Variants in SLC35D1 observed in about 807,000 individuals in gnomAD.
The protein encoded by SLC35D1 is nucleotide sugar transporter SLC35D1.
SLC35D1 carries 31 observed loss-of-function variants against 46.7 expected under a neutral mutation model. The ratio of observed to expected loss-of-function variants is 0.66; its 90% CI spans 0.50 to 0.90. The LOEUF (loss-of-function observed/expected upper bound fraction) is 0.90. Ranked by LOEUF, SLC35D1 falls within the 40% of genes least tolerant of loss-of-function variation. The pLI, the probability that SLC35D1 is intolerant of heterozygous loss-of-function variation, is 0.00. For missense variants in SLC35D1, 397 were observed against 426.2 expected, an observed-to-expected ratio of 0.93 and a Z score of 0.60; for synonymous variants, 195 against 164.6, an observed-to-expected ratio of 1.18 and a Z score of -1.41.
the SLC35D1 span, chr1:66,973,032 TTGAACAACTCAAA>T: frequency 9.4e-7 from 1 of 1,061,094 alleles, no homozygotes; most frequent in South Asian, 1.3e-5. Context: ...AGAAATTTAG[TTGAACAACTCAAA>T]TGGTCATGTA....
In SLC35D1 at chr1:67,047,349, A is replaced by G. The variant is rs374480702; in HGVS notation, c.552T>C (p.Asp184=). 2.7e-5 allele frequency: 44 copies of G among 1,613,230 alleles called. No individual in the cohort carries two copies. The African/African-American group carries it at 5.5e-4, about 20-fold the overall frequency. Residue 184 remains aspartate, a synonymous_variant, in exon 7 of 12, where the codon GAT becomes GAC. Coordinates refer to ENST00000235345, the MANE Select transcript of SLC35D1 (RefSeq NM_015139.3). ...FVAASSDLAF[D]LEGYAFILIN... ...TCAGAATAAAAGCATATCCTTCCAGATCAAATGCCAAGTCAGAGCTGCAAA... is the reference window on the plus strand; with the variant it reads ...TCAGAATAAAAGCATATCCTTCCAGGTCAAATGCCAAGTCAGAGCTGCAAA...
At chr1:66,985,807 T>C in the SLC35D1 span, 3 of 851,288 alleles carry the variant, frequency 3.5e-6, no homozygotes, top group African/African-American at 6.4e-5. Flanking sequence ...TCATAAAGGA[T>C]TATAAAATTT....
Position 67,004,180 on chromosome 1 carries a change from T to C in SLC35D1, c.*160A>G. The C allele has an allele frequency of 1.5e-6, 1 of 665,530 alleles. No individual in the cohort carries two copies. Among genetic ancestry groups the C allele is most frequent in the Non-Finnish European group, 2.7e-6 (1 of 369,622 alleles). 41.2% of individuals were successfully genotyped at this position (665,530 alleles called of 1,614,324 possible). A position where few individuals can be genotyped will look rare whatever the true frequency, so the allele number is the denominator to read the frequency against. On this transcript the variant is annotated 3_prime_UTR_variant, in exon 12 of 12. Transcript: ENST00000235345. ...AGTCAATTATAAGTTTCTCTCTTCATAAAATTTTAAAAGGCAGCAATCAAT... is the reference window on the plus strand; with the variant it reads ...AGTCAATTATAAGTTTCTCTCTTCACAAAATTTTAAAAGGCAGCAATCAAT...
chr1:66,997,519 AAT>A (rs35571347), downstream of SLC35D1, among the ~76,000 whole-genome samples: 6 of 74,030 alleles, frequency 8.1e-5, no homozygotes, highest in African/African-American at 1.5e-4. Context: ...AAAAAAAAAA[AAT>A]ATATATATAT....
chr1:67,005,818 T>A (rs1373452657), intron 11 of SLC35D1, among the ~76,000 whole-genome samples: 1 of 152,198 alleles, frequency 6.6e-6, no homozygotes, highest in Non-Finnish European at 1.5e-5. Flanking sequence ...CACTGAATAC[T>A]AGTTATCCAT....
intron 8 of SLC35D1, among the ~76,000 whole-genome samples, chr1:67,028,845 T>A (rs537547288): frequency 6.6e-6 from 1 of 152,286 alleles, no homozygotes; most frequent in South Asian, 2.1e-4. Context: ...GCTGTTTCAT[T>A]CCTTCCACTT....
At chr1:66,985,200 A>G in the SLC35D1 span, 1 of 978,392 alleles carries the variant, frequency 1.0e-6, no homozygotes, top group East Asian at 9.1e-5. Flanking sequence ...GGTAAATCTG[A>G]ATGAACTAAA....
chr1:66,981,846 C>T, the SLC35D1 span: 1 of 1,614,008 alleles, frequency 6.2e-7, no homozygotes, highest in Non-Finnish European at 8.5e-7. Context: ...ATCCCCTCCC[C>T]CAACTGCATC....
At chr1:66,993,006 C>T in the SLC35D1 span, among the ~76,000 whole-genome samples, 3 of 152,190 alleles carry the variant, frequency 2.0e-5, no homozygotes, top group African/African-American at 7.2e-5. Context: ...TTGCTCTTTC[C>T]AATGATCTGG....
chr1:66,986,539 G>C, the SLC35D1 span: 5 of 1,222,430 alleles, frequency 4.1e-6, no homozygotes, highest in Non-Finnish European at 6.1e-6. Flanking sequence ...TTTGCACTGA[G>C]AAATTAGCAT....
chr1:67,021,627 AT>A (rs776570001), intron 8 of SLC35D1, 25 bp from the exon 9 acceptor site: 1 of 1,612,952 alleles, frequency 6.2e-7, no homozygotes, highest in Non-Finnish European at 8.5e-7. Flanking sequence ...AAAGCATTAA[AT>A]TTTAGACCAG....
intron 8 of SLC35D1, among the ~76,000 whole-genome samples, chr1:67,023,086 T>C (rs1316704727): frequency 2.0e-5 from 3 of 152,224 alleles, no homozygotes; most frequent in Non-Finnish European, 4.4e-5. Flanking sequence ...CACCAGGTAA[T>C]TGACACTTAT....
At chr1:66,996,884 CAT>C (rs903159586), downstream of SLC35D1, among the ~76,000 whole-genome samples, 9 of 152,292 alleles carry the variant, frequency 5.9e-5, no homozygotes, top group Admixed American at 3.9e-4. Context: ...GATTAAAACA[CAT>C]GTGTTAAGGA....
At chr1:66,982,727 AC>A in the SLC35D1 span, among the ~76,000 whole-genome samples, 2 of 152,162 alleles carry the variant, frequency 1.3e-5, no homozygotes, top group Non-Finnish European at 2.9e-5. Context: ...TCCTCTTCTG[AC>A]CTTTGGTCTC....
the SLC35D1 span, among the ~76,000 whole-genome samples, chr1:66,989,552 T>A: frequency 9.2e-5 from 14 of 152,190 alleles, no homozygotes; most frequent in Non-Finnish European, 5.9e-5. Flanking sequence ...AGCCTTGACC[T>A]CCTTGGGCGC....
At chr1:67,016,753 A>C (rs141779510) in intron 10 of SLC35D1, among the ~76,000 whole-genome samples, 3 of 152,302 alleles carry the variant, frequency 2.0e-5, no homozygotes, top group African/African-American at 7.2e-5. Context: ...TATTTAGATA[A>C]GTTCAATACA....
chr1:67,020,458 G>A lies in SLC35D1; in HGVS notation c.798-11C>T, dbSNP rs1276905597. The stretch of plus-strand genomic sequence containing the variant: ...TACATTAAGATAAACCTAGAATGAA[G>A]AAAGAGGTATAAAATCCAGTTTCTC... On this transcript the variant is annotated splice_polypyrimidine_tract_variant and intron_variant, in intron 9 of 11. Coordinates refer to ENST00000235345, the MANE Select transcript of SLC35D1 (RefSeq NM_015139.3). The A allele has an allele frequency of 1.3e-6, 2 of 1,579,972 alleles. No individual in the cohort carries two copies. Among genetic ancestry groups the A allele is most frequent in the Non-Finnish European group, 1.7e-6 (2 of 1,149,292 alleles).
chr1:67,014,245 C>T (rs1454486512), intron 10 of SLC35D1, among the ~76,000 whole-genome samples: 1 of 152,204 alleles, frequency 6.6e-6, no homozygotes, highest in Non-Finnish European at 1.5e-5. Context: ...TCCACTAACA[C>T]ATTCAAACTC....
intron 8 of SLC35D1, among the ~76,000 whole-genome samples, chr1:67,032,742 G>A (rs1668043233): frequency 6.6e-6 from 1 of 152,056 alleles, no homozygotes; most frequent in African/African-American, 2.4e-5. Context: ...ATCCCCTCAA[G>A]CATTTATCCT....
Sources: allele counts gnomAD v4.1 joint callset (sites outside exome capture counted in the v4.1 genomes callset), GRCh38; gene constraint gnomAD v4.1.1; transcripts MANE v1.5; gene names NCBI Gene and HGNC (gene_info 2026-07-23, HGNC 2026-07-21).